The following PDK1 variants were observed in gnomAD, a reference collection of about 807,000 sequenced individuals.
PDK1 encodes the protein [Pyruvate dehydrogenase (acetyl-transferring)] kinase isozyme 1, mitochondrial.
A neutral mutation model predicts 54.2 loss-of-function variants in PDK1; 39 were observed. That is an observed-to-expected ratio of 0.72 (90% CI 0.56 to 0.94). The LOEUF (loss-of-function observed/expected upper bound fraction) is 0.94. PDK1 is among the 40% of genes least tolerant of loss of function. PDK1 has a pLI of 0.00. For synonymous variants in PDK1, 221 were observed against 207.1 expected (o/e 1.07, Z -0.58); for missense variants, 552 against 566.0 (o/e 0.98, Z 0.25).
At chr2:172,564,772 G>T (rs1019263901) in intron 4 of PDK1, 85 bp downstream of exon 4, 5 of 687,078 alleles carry the variant, frequency 7.3e-6, no homozygotes, top group Non-Finnish European at 1.1e-5. Flanking sequence ...TTCCATTTAG[G>T]TAGGAAATTT....
the PDK1 span, among the ~76,000 whole-genome samples, chr2:172,701,488 G>A: frequency 6.6e-6 from 1 of 152,148 alleles, no homozygotes; most frequent in East Asian, 1.9e-4. Flanking sequence ...GTTAGAATCT[G>A]GGCAAGAACT....
At chr2:172,565,787 A>C (rs554537243) in intron 5 of PDK1, among the ~76,000 whole-genome samples, 1 of 152,292 alleles carries the variant, frequency 6.6e-6, no homozygotes, top group Non-Finnish European at 1.5e-5. Context: ...GGGGTGCTCT[A>C]TGTTTTTTTC....
At position 172,595,857 on chromosome 2, in the gene PDK1, TC is replaced by T; in HGVS notation, c.1202del (p.Pro401GlnfsTer30). 1 of 1,613,788 alleles carries T rather than the reference TC, an allele frequency of 6.2e-7. No homozygotes were observed. The highest frequency in any genetic ancestry group is 1.3e-5 in the African/African-American group (1 of 75,020). On this transcript the variant is annotated frameshift_variant, in exon 11 of 11. Coordinates refer to ENST00000282077, the MANE Select transcript of PDK1 (RefSeq NM_002610.5). LOFTEE classifies it high-confidence loss of function. The part of the protein sequence containing the change: ...KALSTDSIER[L>X]PVYNKAAWKH... ...CTGTCAACAGACTCAATAGAAAGACTCCCAGTGTATAACAAAGCTGCCTGGA... is the reference window on the plus strand; with the variant it reads ...CTGTCAACAGACTCAATAGAAAGACTCCAGTGTATAACAAAGCTGCCTGGA...
chr2:172,591,802 A>G (rs967954442), intron 9 of PDK1, among the ~76,000 whole-genome samples: 1 of 152,250 alleles, frequency 6.6e-6, no homozygotes, highest in Non-Finnish European at 1.5e-5. Flanking sequence ...TGCTATTAAT[A>G]AGACCTCGTT....
chr2:172,642,711 G>T, the PDK1 span, among the ~76,000 whole-genome samples: 2 of 152,138 alleles, frequency 1.3e-5, no homozygotes, highest in African/African-American at 4.8e-5. Flanking sequence ...CATGATCTTG[G>T]GCTCCCTCCC....
chr2:172,557,637 G>A (rs1445813328), intron 1 of PDK1, among the ~76,000 whole-genome samples: 1 of 148,838 alleles, frequency 6.7e-6, no homozygotes, highest in Non-Finnish European at 1.5e-5. Flanking sequence ...GTGTGTGTGT[G>A]TGTGTGTGTA....
At position 172,586,356 on chromosome 2, in the gene PDK1, C is replaced by T; in HGVS notation, c.1024C>T (p.Pro342Ser). ...FNYMYSTAPR[P>S]RVETSRAVPL... ...CTACATGTATTCAACTGCACCAAGA[C>T]CTCGTGTTGAGACCTCCCGCGCAGT... Residue 342 changes from proline (P) to serine (S), a missense_variant, in exon 9 of 11, where the codon CCT becomes TCT. Pro to Ser is a moderately conservative substitution (Grantham distance 74, BLOSUM62 -1). Transcript: ENST00000282077. 1 of 1,612,126 alleles carries T rather than the reference C, an allele frequency of 6.2e-7. No homozygotes were observed. The highest frequency in any genetic ancestry group is 8.5e-7 in the Non-Finnish European group (1 of 1,178,408).
At chr2:172,652,582 C>A in the PDK1 span, among the ~76,000 whole-genome samples, 1 of 152,206 alleles carries the variant, frequency 6.6e-6, no homozygotes, top group Non-Finnish European at 1.5e-5. Flanking sequence ...ATCGTCTCAA[C>A]CCAAAATCTC....
chr2:172,588,588 A>G (rs945904270), intron 9 of PDK1, among the ~76,000 whole-genome samples: 3 of 152,224 alleles, frequency 2.0e-5, no homozygotes, highest in African/African-American at 2.4e-5. Flanking sequence ...AGGCTCCTCC[A>G]TACATCTACA....
the PDK1 span, among the ~76,000 whole-genome samples, chr2:172,636,894 A>G: frequency 6.6e-6 from 1 of 152,162 alleles, no homozygotes; most frequent in African/African-American, 2.4e-5. Flanking sequence ...ATGTCAGTCT[A>G]CTACCCTCCT....
intron 10 of PDK1, among the ~76,000 whole-genome samples, chr2:172,594,119 C>A (rs1268184172): frequency 6.7e-6 from 1 of 149,952 alleles, no homozygotes; most frequent in African/African-American, 2.5e-5. Context: ...CTCACTGCAA[C>A]CTCCGCCTCC....
chr2:172,703,949 T>C, the PDK1 span, among the ~76,000 whole-genome samples: 1 of 151,808 alleles, frequency 6.6e-6, no homozygotes, highest in East Asian at 1.9e-4. Flanking sequence ...ATTTTTTGTA[T>C]TTTTAGTAGA....
At chr2:172,622,067 ATC>A in the PDK1 span, among the ~76,000 whole-genome samples, 111 of 145,362 alleles carry the variant, frequency 7.6e-4, 1 homozygote, top group Middle Eastern at 6.7e-3. Context: ...ATATGTTTAT[ATC>A]TCATATATTA....
chr2:172,685,809 C>T, the PDK1 span, among the ~76,000 whole-genome samples: 1 of 152,302 alleles, frequency 6.6e-6, no homozygotes, highest in East Asian at 1.9e-4. Context: ...CATACCACCT[C>T]ATTCGATGCT....
At chr2:172,617,498 G>A in the PDK1 span, among the ~76,000 whole-genome samples, 12 of 152,184 alleles carry the variant, frequency 7.9e-5, no homozygotes, top group East Asian at 7.7e-4. Context: ...GCAGGTTAGG[G>A]CCTGGTCTCT....
the PDK1 span, among the ~76,000 whole-genome samples, chr2:172,722,453 C>T: frequency 1.3e-5 from 2 of 152,224 alleles, no homozygotes; most frequent in African/African-American, 2.4e-5. Context: ...CTTCTACAGC[C>T]TCACCATTCA....
chr2:172,720,093 C>CTT, the PDK1 span, among the ~76,000 whole-genome samples: 35,425 of 127,694 alleles, frequency 0.28, 5,852 homozygotes, highest in Non-Finnish European at 0.37. Flanking sequence ...TGTCAAAGAG[C>CTT]TTTTCTCTCT....
rs2149254470 is a variant in PDK1 at position 172,578,442 on chromosome 2, G to A, written c.945+7618G>A. Among the ~76,000 whole-genome samples, 3 of 151,990 alleles carry A rather than the reference G, an allele frequency of 2.0e-5. 1 individual carries two copies. In the Middle Eastern group the frequency reaches 0.01, roughly 521 times the overall value. ...CCTGTTTTTTTCACCTTTGCTAAAT[G>A]TTGATGCATATCATTTTATTGCCCT... On this transcript the variant is annotated intron_variant, in intron 8 of 10. Coordinates refer to ENST00000282077, the MANE Select transcript of PDK1 (RefSeq NM_002610.5).
At chr2:172,640,489 GAAA>G in the PDK1 span, among the ~76,000 whole-genome samples, 2 of 152,118 alleles carry the variant, frequency 1.3e-5, no homozygotes, top group Admixed American at 6.5e-5. Flanking sequence ...AAGACTGAGA[GAAA>G]AAAATATATA....
Sources: allele counts gnomAD v4.1 joint callset (sites outside exome capture counted in the v4.1 genomes callset), GRCh38; gene constraint gnomAD v4.1.1; transcripts MANE v1.5; gene names NCBI Gene and HGNC (gene_info 2026-07-23, HGNC 2026-07-21).